Variants in SGCD observed in about 807,000 individuals in gnomAD.
SGCD encodes delta-sarcoglycan.
A neutral mutation model predicts 36.6 loss-of-function variants in SGCD; 18 were observed. The observed-to-expected ratio is 0.49, with a 90% CI of 0.34 to 0.73. The LOEUF is 0.73. Among genes scored for constraint, SGCD ranks in the 30% least tolerant of loss-of-function variants. SGCD has a pLI of 0.01. For missense variants in SGCD, 387 were observed against 346.7 expected, an observed-to-expected ratio of 1.12 and a Z score of -0.92; for synonymous variants, 133 against 130.6, an observed-to-expected ratio of 1.02 and a Z score of -0.12.
At chr5:156,152,694 CT>C (rs1304445054) in intron 3 of SGCD, among the ~76,000 whole-genome samples, 1 of 151,556 alleles carries the variant, frequency 6.6e-6, no homozygotes, top group East Asian at 1.9e-4. Flanking sequence ...GAAACTTCAC[CT>C]TTTCTTTTTA....
intron 3 of SGCD, among the ~76,000 whole-genome samples, chr5:156,172,070 G>A (rs1763358197): frequency 6.6e-6 from 1 of 152,116 alleles, no homozygotes; most frequent in African/African-American, 2.4e-5. Context: ...ATCACCTGAG[G>A]TCAGGAGTTT....
chr5:156,652,162 G>A lies in SGCD; in HGVS notation c.575+4626G>A, dbSNP rs146463859. On this transcript the variant is annotated intron_variant, in intron 7 of 8. Transcript: ENST00000337851. ...TCAGTCCTAGGAGCCTTTTGGTAGA[G>A]TCTTTAGGGTTTTCTAGCTATAGAA... Among the ~76,000 whole-genome samples the A allele has an allele frequency of 2.2e-3, 334 of 152,126 alleles. 1 individual carries two copies. The highest frequency in any genetic ancestry group is 7.8e-3 in the African/African-American group (323 of 41,520).
At chr5:156,218,105 C>T (rs1213438753) in intron 3 of SGCD, among the ~76,000 whole-genome samples, 1 of 151,962 alleles carries the variant, frequency 6.6e-6, no homozygotes, top group African/African-American at 2.4e-5. Context: ...GAAACCCCGT[C>T]TCTACTAAAA....
At chr5:156,179,620 CTT>C (rs570830321) in intron 3 of SGCD, among the ~76,000 whole-genome samples, 35 of 135,378 alleles carry the variant, frequency 2.6e-4, no homozygotes, top group South Asian at 4.7e-4. Flanking sequence ...AATTTTCCAA[CTT>C]TTTTTTTTTT....
At chr5:155,801,259 A>G in the SGCD span, among the ~76,000 whole-genome samples, 6 of 152,194 alleles carry the variant, frequency 3.9e-5, no homozygotes, top group Non-Finnish European at 8.8e-5. Flanking sequence ...TGAGTGTAAG[A>G]CTTAGAGCAG....
At chr5:156,177,836 T>C (rs1763508868) in intron 3 of SGCD, among the ~76,000 whole-genome samples, 2 of 152,166 alleles carry the variant, frequency 1.3e-5, no homozygotes, top group Non-Finnish European at 2.9e-5. Context: ...ATTTGTTTAA[T>C]GGGCGGCATT....
At chr5:156,522,820 T>C (rs1174879151) in intron 4 of SGCD, among the ~76,000 whole-genome samples, 1 of 151,880 alleles carries the variant, frequency 6.6e-6, no homozygotes, top group Non-Finnish European at 1.5e-5. Context: ...TTGGTTCTTA[T>C]TAAAGTCTAA....
chr5:156,304,840 A>C (rs1767161287), intron 3 of SGCD, among the ~76,000 whole-genome samples: 2 of 152,180 alleles, frequency 1.3e-5, no homozygotes, highest in African/African-American at 4.8e-5. Flanking sequence ...GCTTGTTGGG[A>C]GGTGGAGCAA....
intron 3 of SGCD, among the ~76,000 whole-genome samples, chr5:156,381,497 TATC>T (rs139732828): frequency 0.022 from 3,287 of 152,316 alleles, 186 homozygotes; most frequent in East Asian, 0.16. Flanking sequence ...AGCTTTTTGT[TATC>T]ATTCATCCAT....
chr5:156,277,612 A>G (rs1483765842), intron 3 of SGCD, among the ~76,000 whole-genome samples: 1 of 152,196 alleles, frequency 6.6e-6, no homozygotes, highest in Admixed American at 6.6e-5. Context: ...GAGGTGGGAA[A>G]GAGACTGAGT....
the SGCD span, among the ~76,000 whole-genome samples, chr5:155,851,090 T>C: frequency 6.6e-6 from 1 of 152,312 alleles, no homozygotes; most frequent in Non-Finnish European, 1.5e-5. Flanking sequence ...TCCAAGTGGA[T>C]GGTATCTTTC....
At chr5:156,090,450 A>T (rs565868277) in intron 1 of SGCD, among the ~76,000 whole-genome samples, 1 of 149,992 alleles carries the variant, frequency 6.7e-6, no homozygotes, top group South Asian at 2.1e-4. Flanking sequence ...GCAAATTTTT[A>T]TTAGGGATTT....
At chr5:156,628,829 C>G (rs1482464425) in intron 6 of SGCD, among the ~76,000 whole-genome samples, 1 of 152,162 alleles carries the variant, frequency 6.6e-6, no homozygotes, top group African/African-American at 2.4e-5. Context: ...CCTTCCTGAC[C>G]TCAACCAGAT....
In SGCD at chr5:156,759,341, A is replaced by G; in HGVS notation, c.824A>G (p.Gln275Arg). 1 of 1,612,820 alleles carries G rather than the reference A, an allele frequency of 6.2e-7. No homozygotes were observed. Among genetic ancestry groups the G allele is most frequent in the Admixed American group, 1.7e-5 (1 of 59,990 alleles). The change falls in exon 9 of 9, where the codon CAG (glutamine) becomes CGG (arginine). Residue 275 changes from glutamine (Q) to arginine (R), a missense_variant. Gln to Arg is a conservative substitution (Grantham distance 43, BLOSUM62 1). Coordinates refer to ENST00000337851, the MANE Select transcript of SGCD (RefSeq NM_000337.6). ...VCANGRLFLSQAGAGSTCQIN... is the reference protein window; with the variant it reads ...VCANGRLFLSRAGAGSTCQIN... ...GCCAATGGGAGATTATTCCTGTCTC[A>G]GGCAGGAGCTGGGTCCACTTGTCAG...
chr5:156,096,906 T>G (rs1761390053), intron 1 of SGCD, among the ~76,000 whole-genome samples: 1 of 152,220 alleles, frequency 6.6e-6, no homozygotes, highest in African/African-American at 2.4e-5. Flanking sequence ...CACACTGTCT[T>G]AGTTTTCCTT....
intron 3 of SGCD, among the ~76,000 whole-genome samples, chr5:156,410,208 G>T (rs1772666100): frequency 6.6e-6 from 1 of 152,174 alleles, no homozygotes; most frequent in Non-Finnish European, 1.5e-5. Flanking sequence ...CTACACAGCT[G>T]TAAAAGAGAA....
chr5:156,226,134 G>A (rs1764851042), intron 3 of SGCD, among the ~76,000 whole-genome samples: 1 of 152,038 alleles, frequency 6.6e-6, no homozygotes, highest in African/African-American at 2.4e-5. Context: ...AAGTTCTTTA[G>A]TGGTGATTTG....
At chr5:155,746,321 G>T in the SGCD span, among the ~76,000 whole-genome samples, 5 of 151,946 alleles carry the variant, frequency 3.3e-5, no homozygotes, top group African/African-American at 1.2e-4. Context: ...CAAGCAAAAG[G>T]TTTATTAAGG....
the SGCD span, among the ~76,000 whole-genome samples, chr5:155,780,221 A>G: frequency 4.6e-5 from 7 of 152,086 alleles, no homozygotes; most frequent in Admixed American, 1.3e-4. Flanking sequence ...CTTTCCCCTA[A>G]ACAGCTTGAC....
Sources: allele counts gnomAD v4.1 joint callset (sites outside exome capture counted in the v4.1 genomes callset), GRCh38; gene constraint gnomAD v4.1.1; transcripts MANE v1.5; gene names NCBI Gene and HGNC (gene_info 2026-07-23, HGNC 2026-07-21).